Variants in LARS1 observed in about 807,000 individuals in gnomAD.
LARS1 encodes leucine--tRNA ligase, cytoplasmic.
In LARS1, 100 loss-of-function variants were observed where a neutral mutation model predicts 162.8. That is an observed-to-expected ratio of 0.61 (90% confidence interval 0.52 to 0.73). The LOEUF (loss-of-function observed/expected upper bound fraction) is 0.73, where lower values mean the gene tolerates loss of function less well. LARS1 is among the 30% of genes least tolerant of loss of function. The pLI is 0.00. For synonymous variants in LARS1, 457 were observed against 462.8 expected (o/e 0.99, Z 0.16); for missense variants, 1,258 against 1,408.9 (o/e 0.89, Z 1.71).
intron 1 of LARS1, among the ~76,000 whole-genome samples, chr5:146,180,762 C>T (rs947174560): frequency 1.3e-5 from 2 of 152,156 alleles, no homozygotes; most frequent in Non-Finnish European, 2.9e-5. Context: ...TTGAGCAAGT[C>T]ATTTGATCAA....
chr5:146,162,694 C>G (rs1177039882), intron 6 of LARS1, among the ~76,000 whole-genome samples: 1 of 152,242 alleles, frequency 6.6e-6, no homozygotes, highest in African/African-American at 2.4e-5. Flanking sequence ...AGTCTTACAG[C>G]ATCTTAATCA....
At chr5:146,122,369 C>T in intron 30 of LARS1, 123 bp downstream of exon 30, 1 of 570,940 alleles carries the variant, frequency 1.8e-6, no homozygotes. Flanking sequence ...TACAACAAAC[C>T]AACCACTTAA....
In LARS1 at chr5:146,130,145, T is replaced by A. The variant is rs1219063677; in HGVS notation, c.2501A>T (p.Lys834Met). The A allele has an allele frequency of 6.2e-7, 1 of 1,612,962 alleles. No homozygotes were observed. Among genetic ancestry groups the A allele is most frequent in the South Asian group, 1.1e-5 (1 of 90,836 alleles). Residue 834 changes from lysine to methionine, a missense_variant, in exon 25 of 32, where the codon AAG becomes ATG. Coordinates refer to ENST00000394434, the MANE Select transcript of LARS1 (RefSeq NM_020117.11). Reference protein sequence around the residue: ...GFFEFQAAKDKYRELAVEGMH... With the variant: ...GFFEFQAAKDMYRELAVEGMH... ...CCCTTCCACAGCCAATTCACGGTAC[T>A]TATCTTTTGCGGCCTATAAAATTTG...
At chr5:146,120,122 A>G (rs1751752242) in intron 31 of LARS1, among the ~76,000 whole-genome samples, 2 of 152,264 alleles carry the variant, frequency 1.3e-5, no homozygotes, top group South Asian at 2.1e-4. Flanking sequence ...AAACTATCTA[A>G]TCCCTCTATT....
chr5:146,130,173 A>G lies in LARS1; in HGVS notation c.2488-15T>C. On this transcript the variant is annotated splice_polypyrimidine_tract_variant and intron_variant, in intron 24 of 31. Transcript: ENST00000394434. ...TCTTTTGCGGCCTATAAAATTTGAA[A>G]TTATTTACCATTTCCCTCACCTTCT... 1 of 1,609,944 alleles carries G rather than the reference A, an allele frequency of 6.2e-7. No individual in the cohort carries two copies.
In LARS1 at chr5:146,132,833, GAAAAC is replaced by G. The variant is rs1752343886; in HGVS notation, c.2396+60_2396+64del. 4 of 1,190,846 alleles carry G rather than the reference GAAAAC, an allele frequency of 3.4e-6. No individual in the cohort carries two copies. The South Asian group carries it at 6.9e-5, about 20-fold the overall frequency. 73.8% of individuals were successfully genotyped at this position (1,190,846 alleles called of 1,614,324 possible). On this transcript the variant is annotated intron_variant, in intron 23 of 31. Coordinates refer to ENST00000394434, the MANE Select transcript of LARS1 (RefSeq NM_020117.11). ...AAAAAAAAAGAAAAGAAAAGAAAAAGAAAACAAAAATGCACCAGGACTAAGTAACT... is the reference window on the plus strand; with the variant it reads ...AAAAAAAAAGAAAAGAAAAGAAAAAGAAAAATGCACCAGGACTAAGTAACT...
At chr5:146,179,197 A>T (rs1039189085) in intron 1 of LARS1, among the ~76,000 whole-genome samples, 2 of 152,106 alleles carry the variant, frequency 1.3e-5, no homozygotes, top group South Asian at 2.1e-4. Context: ...GAGCCACTGC[A>T]CTCCAGCCTA....
At position 146,143,029 on chromosome 5, in the gene LARS1, A is replaced by G; in HGVS notation, c.1933T>C (p.Phe645Leu). ...TCCTTTGCAATCTGAGTCTTAGGAA[A>G]TGGAGCCTCCTTGAAGAAAACATAA... ...WDYVFFKEAP[F>L]PKTQIAKEKL... The change falls in exon 20 of 32, where the codon TTT (phenylalanine) becomes CTT (leucine). Residue 645 changes from phenylalanine (F) to leucine (L), a missense_variant. By Grantham distance (22) the Phe-to-Leu change is conservative (BLOSUM62 0). Coordinates refer to ENST00000394434, the MANE Select transcript of LARS1 (RefSeq NM_020117.11). The G allele has an allele frequency of 6.2e-7, 1 of 1,613,992 alleles. No homozygotes were observed. Among genetic ancestry groups the G allele is most frequent in the Non-Finnish European group, 8.5e-7 (1 of 1,179,946 alleles).
At chr5:146,173,927 T>C (rs536096769) in intron 2 of LARS1, among the ~76,000 whole-genome samples, 1 of 152,212 alleles carries the variant, frequency 6.6e-6, no homozygotes, top group East Asian at 1.9e-4. Context: ...ACTTCTGCAA[T>C]TTGCCTTCTT....
intron 31 of LARS1, 156 bp downstream of exon 31, chr5:146,120,214 CA>C: frequency 2.5e-6 from 2 of 809,246 alleles, no homozygotes; most frequent in African/African-American, 1.8e-5. Context: ...CACAGAGTCC[CA>C]AAAAGAATAG....
chr5:146,132,099 T>C (rs1467718721), intron 23 of LARS1: 1 of 152,138 alleles, frequency 6.6e-6, no homozygotes, highest in African/African-American at 2.4e-5. Flanking sequence ...CACAAGGTCA[T>C]GAGTTCGAGA....
Position 146,135,214 on chromosome 5 carries a change from A to C in LARS1, c.2212+387T>G, listed in dbSNP as rs1488683416. 1.4e-5 allele frequency among the ~76,000 whole-genome samples: 2 copies of C among 147,764 alleles called. 1 individual carries two copies. Among genetic ancestry groups the C allele is most frequent in the Non-Finnish European group, 3.0e-5 (2 of 67,202 alleles). On this transcript the variant is annotated intron_variant, in intron 22 of 31. Transcript: ENST00000394434. ...GTATTTTTAGTTGAGACAGGATTTCACCATGTTGGCCAGGCTGGTCTTGAA... is the reference window on the plus strand; with the variant it reads ...GTATTTTTAGTTGAGACAGGATTTCCCCATGTTGGCCAGGCTGGTCTTGAA...
intron 30 of LARS1, among the ~76,000 whole-genome samples, chr5:146,122,146 T>A (rs1751850812): frequency 6.6e-6 from 1 of 152,080 alleles, no homozygotes; most frequent in African/African-American, 2.4e-5. Flanking sequence ...CATCTGAGGT[T>A]TAAAAGCTCC....
intron 10 of LARS1, among the ~76,000 whole-genome samples, chr5:146,156,565 C>T (rs561050209): frequency 1.3e-5 from 2 of 151,936 alleles, no homozygotes; most frequent in African/African-American, 4.8e-5. Flanking sequence ...CGTGGTGGCC[C>T]GCACCTGTAA....
At chr5:146,124,578 G>GA (rs1472730505) in intron 28 of LARS1, among the ~76,000 whole-genome samples, 2 of 151,304 alleles carry the variant, frequency 1.3e-5, no homozygotes, top group African/African-American at 4.9e-5. Flanking sequence ...AAAGTTTAAA[G>GA]AAAAAAAACT....
intron 15 of LARS1, among the ~76,000 whole-genome samples, chr5:146,148,453 A>G (rs1394127748): frequency 6.6e-6 from 1 of 152,248 alleles, no homozygotes; most frequent in Non-Finnish European, 1.5e-5. Flanking sequence ...ATTTTAATTA[A>G]GAATGTTTTA....
At chr5:146,122,795 A>G (rs1751884753) in intron 29 of LARS1, among the ~76,000 whole-genome samples, 1 of 152,070 alleles carries the variant, frequency 6.6e-6, no homozygotes, top group African/African-American at 2.4e-5. Context: ...ATTGTTATTT[A>G]TATAGTCATG....
At chr5:146,169,892 G>T (rs1297788253) in intron 4 of LARS1, among the ~76,000 whole-genome samples, 1 of 152,018 alleles carries the variant, frequency 6.6e-6, no homozygotes, top group Non-Finnish European at 1.5e-5. Flanking sequence ...TTTAGAATGA[G>T]GAAACCTGGC....
intron 8 of LARS1, among the ~76,000 whole-genome samples, chr5:146,159,028 A>G (rs570938522): frequency 1.1e-4 from 17 of 152,008 alleles, no homozygotes; most frequent in African/African-American, 3.6e-4. Flanking sequence ...CCCAGGAGGC[A>G]GAGCTTGCAG....
Sources: gnomAD v4.1 joint callset for allele counts (sites outside exome capture counted in the v4.1 genomes callset) on GRCh38, gnomAD v4.1.1 for gene constraint, MANE v1.5 for transcripts, NCBI Gene and HGNC (gene_info 2026-07-23, HGNC 2026-07-21) for gene names.